STARD13: variants seen among roughly 807,000 people sequenced by gnomAD.
The protein encoded by STARD13 is StAR related lipid transfer domain containing 13.
In STARD13, 62 loss-of-function variants were observed where a neutral mutation model predicts 106.4. The observed-to-expected ratio is 0.58, with a 90% CI of 0.48 to 0.72. STARD13 has a LOEUF of 0.72. STARD13 is among the 30% of genes least tolerant of loss of function. STARD13 has a pLI of 0.00. For missense variants in STARD13, 1,387 were observed against 1,424.0 expected (o/e 0.97, Z 0.42); for synonymous variants, 565 against 553.0 (o/e 1.02, Z -0.31).
At chr13:33,654,938 C>T in the STARD13 span, 2 of 152,218 alleles carry the variant, frequency 1.3e-5, no homozygotes, top group Non-Finnish European at 2.9e-5. Flanking sequence ...ATTGACAAGC[C>T]GCACCTCATG....
At chr13:33,376,393 G>A in the STARD13 span, among the ~76,000 whole-genome samples, 2 of 152,298 alleles carry the variant, frequency 1.3e-5, no homozygotes, top group African/African-American at 2.4e-5. Flanking sequence ...TAGAAGTGGG[G>A]TGGAGGAGGA....
At chr13:33,197,271 G>T (rs566000426) in intron 1 of STARD13, among the ~76,000 whole-genome samples, 2 of 152,296 alleles carry the variant, frequency 1.3e-5, no homozygotes, top group East Asian at 3.9e-4. Context: ...TACCAATTCA[G>T]GGCACACTCA....
At chr13:33,256,110 AT>A (rs1158571738) in intron 1 of STARD13, among the ~76,000 whole-genome samples, 3 of 152,252 alleles carry the variant, frequency 2.0e-5, no homozygotes, top group Non-Finnish European at 4.4e-5. Flanking sequence ...CAAAGGATTC[AT>A]CTTCAAAATG....
At position 33,163,605 on chromosome 13, in the gene STARD13, A is replaced by AT. The variant is rs1555239807; in HGVS notation, c.323+1731_323+1732insA. On this transcript the variant is annotated intron_variant, in intron 3 of 13. Transcript: ENST00000336934. ...ACTCTGTCTCAAAAAAAAAAAAAAAAATATATATATATATATATAAAACAT... is the reference window on the plus strand; with the variant it reads ...ACTCTGTCTCAAAAAAAAAAAAAAAATATATATATATATATATATAAAACAT... Among the ~76,000 whole-genome samples, 651 of 97,584 alleles carry AT rather than the reference A, an allele frequency of 6.7e-3. 16 individuals carry two copies. The highest frequency in any genetic ancestry group is 0.026 in the Middle Eastern group (5 of 192). 64.0% of individuals were successfully genotyped at this position (97,584 alleles called of 152,430 possible).
the STARD13 span, among the ~76,000 whole-genome samples, chr13:33,480,537 T>C: frequency 1.3e-5 from 2 of 152,158 alleles, no homozygotes; most frequent in Admixed American, 1.3e-4. Context: ...TATGATATTC[T>C]ACCATCCCTA....
the STARD13 span, among the ~76,000 whole-genome samples, chr13:33,633,253 T>C: frequency 2.6e-5 from 4 of 152,248 alleles, no homozygotes; most frequent in African/African-American, 9.6e-5. Flanking sequence ...GTTTCCTTTA[T>C]TCACTTGATA....
the STARD13 span, among the ~76,000 whole-genome samples, chr13:33,508,262 GC>G: frequency 1.3e-5 from 2 of 152,154 alleles, no homozygotes; most frequent in South Asian, 2.1e-4. Context: ...TGGTCAGGTG[GC>G]CCAGACAGGC....
At chr13:33,256,732 C>A (rs2138307205) in intron 1 of STARD13, among the ~76,000 whole-genome samples, 1 of 152,260 alleles carries the variant, frequency 6.6e-6, no homozygotes, top group East Asian at 1.9e-4. Flanking sequence ...TGTTAACAAA[C>A]AAGATGGCAG....
the STARD13 span, among the ~76,000 whole-genome samples, chr13:33,618,080 A>G: frequency 2.0e-5 from 3 of 152,230 alleles, no homozygotes; most frequent in African/African-American, 7.2e-5. Context: ...ATGAACAGAA[A>G]AAGGATTAGT....
the STARD13 span, among the ~76,000 whole-genome samples, chr13:33,509,049 AT>A: frequency 1.3e-5 from 2 of 152,224 alleles, no homozygotes; most frequent in Non-Finnish European, 2.9e-5. Context: ...TTATAATCTT[AT>A]GGGATCACCA....
chr13:33,244,514 C>T (rs774086082), intron 1 of STARD13, among the ~76,000 whole-genome samples: 4 of 152,020 alleles, frequency 2.6e-5, no homozygotes, highest in Admixed American at 6.6e-5. Context: ...CTCCTCTTAT[C>T]AAGAAGAGCC....
At chr13:33,372,911 C>T in the STARD13 span, among the ~76,000 whole-genome samples, 5 of 152,132 alleles carry the variant, frequency 3.3e-5, no homozygotes, top group Middle Eastern at 3.4e-3. Context: ...TTGCTACTGC[C>T]ATATCAATGA....
chr13:33,601,184 T>A, the STARD13 span, among the ~76,000 whole-genome samples: 1 of 151,844 alleles, frequency 6.6e-6, no homozygotes, highest in African/African-American at 2.4e-5. Flanking sequence ...AATTCAACCA[T>A]TTTTTTTCCA....
intron 2 of STARD13, among the ~76,000 whole-genome samples, chr13:33,167,252 G>A (rs905489751): frequency 1.3e-5 from 2 of 152,168 alleles, no homozygotes; most frequent in African/African-American, 4.8e-5. Context: ...GAAAAAGAAG[G>A]AAGTGCAGAA....
chr13:33,547,072 T>G, the STARD13 span, among the ~76,000 whole-genome samples: 1 of 152,206 alleles, frequency 6.6e-6, no homozygotes, highest in Non-Finnish European at 1.5e-5. Context: ...TTATAAGGCT[T>G]TTAAGTATTC....
chr13:33,470,487 C>T, the STARD13 span, among the ~76,000 whole-genome samples: 45,448 of 152,070 alleles, frequency 0.3, 7,662 homozygotes, highest in Non-Finnish European at 0.39. Flanking sequence ...TAGATCCTTG[C>T]GGAATCGCCA....
the STARD13 span, among the ~76,000 whole-genome samples, chr13:33,481,752 T>TA: frequency 3.9e-5 from 6 of 151,990 alleles, no homozygotes. Context: ...TAAACAAACT[T>TA]AAAAAATCTG....
chr13:33,217,315 G>A (rs1435368432), intron 1 of STARD13, among the ~76,000 whole-genome samples: 1 of 152,182 alleles, frequency 6.6e-6, no homozygotes, highest in Non-Finnish European at 1.5e-5. Context: ...GGATGAGTGA[G>A]GAGGCTGCCC....
intron 1 of STARD13, among the ~76,000 whole-genome samples, chr13:33,317,661 G>T (rs1014136437): frequency 1.1e-4 from 16 of 151,926 alleles, no homozygotes; most frequent in South Asian, 6.2e-4. Context: ...TTTCTATTTT[G>T]TAAAATCTGC....
Sources: gnomAD v4.1 joint callset for allele counts (sites outside exome capture counted in the v4.1 genomes callset) on GRCh38, gnomAD v4.1.1 for gene constraint, MANE v1.5 for transcripts, NCBI Gene and HGNC (gene_info 2026-07-23, HGNC 2026-07-21) for gene names.